The following POSTN variants were observed in gnomAD, a reference collection of about 807,000 sequenced individuals.
POSTN encodes periostin.
In POSTN, 71 loss-of-function variants were observed where a neutral mutation model predicts 104.5. The ratio of observed to expected loss-of-function variants is 0.68; its 90% CI spans 0.56 to 0.83. The LOEUF (loss-of-function observed/expected upper bound fraction) is 0.83, where lower values mean the gene tolerates loss of function less well. POSTN is among the 40% of genes least tolerant of loss of function. POSTN has a pLI of 0.00. For missense variants in POSTN, 949 were observed against 1,006.8 expected, an observed-to-expected ratio of 0.94 and a Z score of 0.78; for synonymous variants, 355 against 340.7, an observed-to-expected ratio of 1.04 and a Z score of -0.46.
intron 4 of POSTN, among the ~76,000 whole-genome samples, chr13:37,590,000 T>G (rs1950879783): frequency 6.6e-6 from 1 of 152,172 alleles, no homozygotes; most frequent in African/African-American, 2.4e-5. Context: ...ATAATACTGC[T>G]TATGATAATT....
intron 21 of POSTN, among the ~76,000 whole-genome samples, chr13:37,566,011 G>C (rs1950089454): frequency 6.6e-6 from 1 of 152,130 alleles, no homozygotes; most frequent in African/African-American, 2.4e-5. Flanking sequence ...TTCAAAACAA[G>C]TGTGCTCACT....
intron 19 of POSTN, 126 bp downstream of exon 19, chr13:37,570,454 T>C (rs532832455): frequency 8.0e-6 from 5 of 625,350 alleles, no homozygotes; most frequent in Middle Eastern, 3.7e-4. Context: ...TCTGCCAAAA[T>C]ATGAAGTAAC....
intron 9 of POSTN, among the ~76,000 whole-genome samples, chr13:37,583,340 T>G (rs1410540689): frequency 3.3e-5 from 5 of 152,040 alleles, no homozygotes; most frequent in African/African-American, 7.2e-5. Flanking sequence ...TGGTATCAAA[T>G]AAAGAAATCA....
At chr13:37,564,114 C>T (rs1950008825) in intron 22 of POSTN, among the ~76,000 whole-genome samples, 1 of 144,514 alleles carries the variant, frequency 6.9e-6, no homozygotes, top group Non-Finnish European at 1.5e-5. Context: ...TGATATTCAA[C>T]AATTTCTTTT....
intron 21 of POSTN, among the ~76,000 whole-genome samples, chr13:37,567,235 C>CAAAAAAAA (rs71093694): frequency 1.6e-4 from 6 of 36,926 alleles, no homozygotes; most frequent in Admixed American, 3.4e-4. Flanking sequence ...GACTCCGTCT[C>CAAAAAAAA]AAAAAAAAAA....
At chr13:37,563,407 T>A (rs746509573) in intron 22 of POSTN, 37 bp from the exon 23 acceptor site, 1 of 1,392,308 alleles carries the variant, frequency 7.2e-7, no homozygotes, top group East Asian at 2.3e-5. Flanking sequence ...AGACTGTAAA[T>A]GTTAGGAAAT....
chr13:37,588,861 G>A (rs892087624), intron 4 of POSTN, among the ~76,000 whole-genome samples: 1 of 152,168 alleles, frequency 6.6e-6, no homozygotes, highest in Admixed American at 6.5e-5. Context: ...AGATTTTGTG[G>A]CATTGGAATT....
chr13:37,581,816 T>A (rs936058326), intron 10 of POSTN, among the ~76,000 whole-genome samples: 1 of 152,106 alleles, frequency 6.6e-6, no homozygotes, highest in African/African-American at 2.4e-5. Context: ...TCAAAAGATA[T>A]TCAGATGCTG....
chr13:37,594,819 T>C (rs1392316226), intron 2 of POSTN, among the ~76,000 whole-genome samples: 1 of 152,138 alleles, frequency 6.6e-6, no homozygotes, highest in Non-Finnish European at 1.5e-5. Flanking sequence ...ATGATATCTC[T>C]GGAAATTTCA....
intron 21 of POSTN, chr13:37,565,062 T>G (rs1950052052): frequency 6.6e-6 from 1 of 152,246 alleles, no homozygotes; most frequent in African/African-American, 2.4e-5. Flanking sequence ...AAAGTAGCAC[T>G]GACCTAATGA....
Position 37,586,260 on chromosome 13 carries a change from G to A in POSTN, c.774C>T (p.Asp258=), listed in dbSNP as rs762974360. ...CGTCTCTTCCAAGGGCCTCCAATAT[G>A]TCCGATGTGATGGCAGCTGCCTGAA... The part of the protein sequence containing the change: ...SSFRAAAITS[D]ILEALGRDGH... Residue 258 remains aspartate (D), a synonymous_variant, in exon 7 of 23, where the codon GAC becomes GAT. Transcript: ENST00000379747. The A allele has an allele frequency of 2.2e-5, 35 of 1,611,082 alleles. No homozygotes were observed. Among genetic ancestry groups the A allele is most frequent in the Non-Finnish European group, 3.0e-5 (35 of 1,178,980 alleles).
intron 21 of POSTN, among the ~76,000 whole-genome samples, chr13:37,567,541 C>T (rs1024265479): frequency 2.0e-5 from 3 of 151,994 alleles, no homozygotes; most frequent in African/African-American, 7.2e-5. Context: ...GTAATTCTAC[C>T]GCATATAGTG....
At chr13:37,564,477 A>G (rs1270410150) in intron 22 of POSTN, 42 bp downstream of exon 22, 5 of 1,137,702 alleles carry the variant, frequency 4.4e-6, no homozygotes, top group Non-Finnish European at 6.3e-6. Context: ...TCATGTAACA[A>G]AAGAGGCCAT....
intron 2 of POSTN, 113 bp downstream of exon 2, chr13:37,597,071 C>T (rs1951105583): frequency 6.7e-6 from 4 of 596,120 alleles, no homozygotes. Context: ...AAATAACTCT[C>T]ACAATTTTGG....
chr13:37,581,765 G>A (rs1244660123), intron 10 of POSTN, among the ~76,000 whole-genome samples: 1 of 151,766 alleles, frequency 6.6e-6, no homozygotes, highest in Non-Finnish European at 1.5e-5. Flanking sequence ...TTAGAGTCCA[G>A]AAATCTCTAT....
intron 4 of POSTN, among the ~76,000 whole-genome samples, chr13:37,588,703 G>A (rs1324509641): frequency 6.6e-6 from 1 of 152,158 alleles, no homozygotes; most frequent in Non-Finnish European, 1.5e-5. Context: ...TGAATGCCAA[G>A]AGAGCAAAAG....
chr13:37,580,494 A>T lies in POSTN; in HGVS notation c.1529+67T>A, dbSNP rs184773865. 6.6e-5 allele frequency: 103 copies of T among 1,558,390 alleles called. No individual in the cohort carries two copies. The African/African-American group carries it at 1.3e-3, about 19-fold the overall frequency. On this transcript the variant is annotated intron_variant, in intron 11 of 22. Transcript: ENST00000379747. ...TAGGAGACTGAATGCCTTTTGGGAT[A>T]CCGCCTATGAAACAAAAATATGCCA...
chr13:37,574,113 G>T (rs1950333372), intron 17 of POSTN, among the ~76,000 whole-genome samples: 1 of 150,962 alleles, frequency 6.6e-6, no homozygotes, highest in Non-Finnish European at 1.5e-5. Flanking sequence ...AAAGCTTTCA[G>T]TAAACATAGC....
At chr13:37,590,619 G>A in intron 3 of POSTN, 90 bp from the exon 4 acceptor site, 1 of 1,091,146 alleles carries the variant, frequency 9.2e-7, no homozygotes, top group Non-Finnish European at 1.2e-6. Context: ...TGTTTCCCAA[G>A]ACATTTAGCT....
Sources: allele counts gnomAD v4.1 joint callset (sites outside exome capture counted in the v4.1 genomes callset), GRCh38; gene constraint gnomAD v4.1.1; transcripts MANE v1.5; gene names NCBI Gene and HGNC (gene_info 2026-07-23, HGNC 2026-07-21).